ATG10: variants seen among roughly 807,000 people sequenced by gnomAD.
ATG10 encodes autophagy related 10, also known as ubiquitin-like-conjugating enzyme ATG10.
ATG10 carries 30 observed loss-of-function variants against 32.1 expected under a neutral mutation model. The observed-to-expected ratio is 0.94, with a 90% CI of 0.70 to 1.27. ATG10 has a LOEUF of 1.27. Among genes scored for constraint, ATG10 ranks in the 50% most tolerant of loss-of-function variants. The pLI is 0.00. For missense variants in ATG10, 233 were observed against 262.3 expected (o/e 0.89, Z 0.77); for synonymous variants, 87 against 91.5 (o/e 0.95, Z 0.28).
chr5:82,226,998 A>G (rs1746158238), intron 5 of ATG10, among the ~76,000 whole-genome samples: 1 of 152,154 alleles, frequency 6.6e-6, no homozygotes, highest in Non-Finnish European at 1.5e-5. Flanking sequence ...TCTAATTTGT[A>G]TTGTATTAGA....
At chr5:82,073,499 C>G (rs1181914082) in intron 3 of ATG10, 1 of 152,130 alleles carries the variant, frequency 6.6e-6, no homozygotes, top group Admixed American at 6.6e-5. Flanking sequence ...GGTTTTACAT[C>G]CCTGCTTTCC....
chr5:82,039,309 A>T (rs1763018906), intron 2 of ATG10, among the ~76,000 whole-genome samples: 1 of 152,224 alleles, frequency 6.6e-6, no homozygotes, highest in African/African-American at 2.4e-5. Context: ...TGTCATAAAA[A>T]TAGGAGAGAA....
At chr5:82,043,323 A>C (rs939916933) in intron 2 of ATG10, among the ~76,000 whole-genome samples, 2 of 152,226 alleles carry the variant, frequency 1.3e-5, no homozygotes, top group Non-Finnish European at 2.9e-5. Flanking sequence ...GAGGCTGGAC[A>C]GAGCAGTGGG....
At chr5:82,009,927 A>G (rs1366383923) in intron 2 of ATG10, 1 of 1,611,344 alleles carries the variant, frequency 6.2e-7, no homozygotes, top group Non-Finnish European at 8.5e-7. Context: ...CCCTGGAATA[A>G]TTCTGTGAAA....
At chr5:82,081,173 G>T (rs1764466656) in intron 3 of ATG10, among the ~76,000 whole-genome samples, 2 of 152,174 alleles carry the variant, frequency 1.3e-5, no homozygotes, top group Non-Finnish European at 2.9e-5. Flanking sequence ...TGTTGTTGGT[G>T]TATAAGAATG....
At chr5:82,195,657 T>C (rs1310233107) in intron 5 of ATG10, among the ~76,000 whole-genome samples, 1 of 152,224 alleles carries the variant, frequency 6.6e-6, no homozygotes, top group Non-Finnish European at 1.5e-5. Context: ...TGCTTATAGC[T>C]TCTTTCATTT....
At chr5:82,251,117 G>A (rs975553286) in intron 5 of ATG10, among the ~76,000 whole-genome samples, 1 of 152,160 alleles carries the variant, frequency 6.6e-6, no homozygotes, top group Non-Finnish European at 1.5e-5. Context: ...TATCACTAGT[G>A]GATAACTCAT....
At chr5:82,085,873 A>G (rs1358399728) in intron 3 of ATG10, among the ~76,000 whole-genome samples, 1 of 152,122 alleles carries the variant, frequency 6.6e-6, no homozygotes, top group Non-Finnish European at 1.5e-5. Flanking sequence ...TAGACCCTCA[A>G]AATACATTTA....
chr5:81,982,589 C>G (rs1384381438), intron 1 of ATG10, among the ~76,000 whole-genome samples: 1 of 146,712 alleles, frequency 6.8e-6, no homozygotes, highest in Non-Finnish European at 1.5e-5. Flanking sequence ...TTTTATTGAT[C>G]ATTCTTGGGT....
In ATG10 at chr5:82,013,318, T is replaced by A. The variant is rs182303903; in HGVS notation, c.108+25640T>A. Reference sequence around the variant, plus strand: ...CCCACTTGTGAGTGAGAACATACGATGTTTGGTTTTGCATTTCTGAGTTAC... The same window carrying A: ...CCCACTTGTGAGTGAGAACATACGAAGTTTGGTTTTGCATTTCTGAGTTAC... On this transcript the variant is annotated intron_variant, in intron 2 of 7. Transcript: ENST00000282185. 3.0e-3 allele frequency among the ~76,000 whole-genome samples: 450 copies of A among 152,286 alleles called. 7 individuals carry two copies. The highest frequency in any genetic ancestry group is 2.4e-3 in the Non-Finnish European group (162 of 68,026).
intron 1 of ATG10, among the ~76,000 whole-genome samples, chr5:81,979,052 A>G (rs114679651): frequency 2.0e-3 from 302 of 152,028 alleles, no homozygotes; most frequent in African/African-American, 6.7e-3. Context: ...GGTGCACATC[A>G]CTGCACCTGG....
intron 6 of ATG10, 134 bp from the exon 7 acceptor site, chr5:82,253,180 A>G (rs1378257258): frequency 1.5e-6 from 1 of 648,448 alleles, no homozygotes; most frequent in Non-Finnish European, 2.7e-6. Context: ...AAATGCTGAG[A>G]TTCCAGGTGG....
intron 3 of ATG10, among the ~76,000 whole-genome samples, chr5:82,063,252 G>C (rs1763839515): frequency 6.6e-6 from 1 of 152,116 alleles, no homozygotes. Context: ...CTGGGTGTTT[G>C]AGGTTACAGT....
chr5:82,035,143 C>T (rs1418592140), intron 2 of ATG10, among the ~76,000 whole-genome samples: 2 of 152,124 alleles, frequency 1.3e-5, no homozygotes, highest in Non-Finnish European at 2.9e-5. Flanking sequence ...AACTCCTGAC[C>T]TCAGGTAATC....
intron 3 of ATG10, among the ~76,000 whole-genome samples, chr5:82,138,282 A>G (rs1039981577): frequency 9.2e-5 from 14 of 152,080 alleles, no homozygotes; most frequent in Non-Finnish European, 1.8e-4. Context: ...ATGAAAAAAA[A>G]ACTCCTGCAG....
intron 3 of ATG10, among the ~76,000 whole-genome samples, chr5:82,061,415 A>G (rs1231949765): frequency 2.0e-5 from 3 of 150,866 alleles, no homozygotes; most frequent in African/African-American, 7.3e-5. Context: ...CTTTAAAAGT[A>G]TATGTCCTTT....
intron 2 of ATG10, among the ~76,000 whole-genome samples, chr5:82,004,947 T>C (rs1159242516): frequency 6.6e-6 from 1 of 152,138 alleles, no homozygotes. Context: ...TTAAAAGAAA[T>C]TCAAGAGATA....
intron 5 of ATG10, among the ~76,000 whole-genome samples, chr5:82,196,809 T>A (rs1241000682): frequency 1.3e-5 from 2 of 152,220 alleles, no homozygotes; most frequent in Non-Finnish European, 2.9e-5. Flanking sequence ...CAGTCATTTT[T>A]TGAAATTGGG....
intron 5 of ATG10, among the ~76,000 whole-genome samples, chr5:82,242,059 C>T (rs1419069932): frequency 6.6e-6 from 1 of 151,980 alleles, no homozygotes; most frequent in Admixed American, 6.6e-5. Context: ...TGAATGAGGG[C>T]CAGCAGACCA....
Sources: gnomAD v4.1 joint callset for allele counts (sites outside exome capture counted in the v4.1 genomes callset) on GRCh38, gnomAD v4.1.1 for gene constraint, MANE v1.5 for transcripts, NCBI Gene and HGNC (gene_info 2026-07-23, HGNC 2026-07-21) for gene names.